FTCD: variants seen among roughly 807,000 people sequenced by gnomAD.
FTCD encodes formimidoyltransferase cyclodeaminase.
FTCD carries 76 observed loss-of-function variants against 62.9 expected under a neutral mutation model. That is an observed-to-expected ratio of 1.21 (90% confidence interval 1.00 to 1.46). FTCD has a LOEUF of 1.46. Ranked by LOEUF, FTCD falls within the 40% of genes most tolerant of loss-of-function variation. The pLI is 0.00. For synonymous variants in FTCD, 397 were observed against 336.9 expected (o/e 1.18, Z -1.95); for missense variants, 845 against 751.3 (o/e 1.12, Z -1.46).
chr21:46,138,473 C>T (rs776601046), intron 12 of FTCD, 35 bp downstream of exon 12: 30 of 1,558,908 alleles, frequency 1.9e-5, no homozygotes, highest in South Asian at 8.1e-5. Context: ...TCCTGCTTTG[C>T]GGCAGGAGGC....
intron 10 of FTCD, among the ~76,000 whole-genome samples, chr21:46,140,762 C>A (rs2078984243): frequency 6.7e-6 from 1 of 149,298 alleles, no homozygotes; most frequent in African/African-American, 2.5e-5. Flanking sequence ...ACCCAGCACT[C>A]CCCGTCCACC....
In FTCD at chr21:46,145,878, C is replaced by A; in HGVS notation, c.1038G>T (p.Glu346Asp). The change falls in exon 9 of 14, where the codon GAG (glutamate) becomes GAT (aspartate). Residue 346 changes from glutamate (E) to aspartate (D), a missense_variant. Physicochemically the swap from Glu to Asp is conservative, Grantham distance 45. Coordinates refer to ENST00000397746, the MANE Select transcript of FTCD (RefSeq NM_206965.2). ...GSKSLRAFVGEVGARSAAPGG... is the reference protein window; with the variant it reads ...GSKSLRAFVGDVGARSAAPGG... ...CGGGGGCCGCAGAGCGGGCACCCACCTCCCCCACGAAGGCGCGCAGGGACT... is the reference window on the plus strand; with the variant it reads ...CGGGGGCCGCAGAGCGGGCACCCACATCCCCCACGAAGGCGCGCAGGGACT... The A allele has an allele frequency of 6.8e-7, 1 of 1,479,360 alleles. No individual in the cohort carries two copies. The highest frequency in any genetic ancestry group is 2.3e-5 in the Admixed American group (1 of 44,374). 91.6% of individuals were successfully genotyped at this position (1,479,360 alleles called of 1,614,324 possible).
Position 46,154,185 on chromosome 21 carries a change from C to G in FTCD, c.202G>C (p.Val68Leu). Residue 68 changes from valine to leucine, a missense_variant, in exon 2 of 14, where the codon GTA (valine) becomes CTA (leucine). Physicochemically the swap from Val to Leu is conservative, Grantham distance 32. Transcript: ENST00000397746. ...VVEGALNAAR[V>L]ASRLIDMSRH... ...CTCATGTCGATAAGTCGGGAAGCTA[C>G]CCGGGCAGCGTTGAGGGCCCCCTCC... The G allele has an allele frequency of 6.2e-7, 1 of 1,612,862 alleles. No individual in the cohort carries two copies. Among genetic ancestry groups the G allele is most frequent in the South Asian group, 1.1e-5 (1 of 91,088 alleles).
At chr21:46,145,195 T>TC (rs2079111361) in intron 10 of FTCD, among the ~76,000 whole-genome samples, 2 of 152,182 alleles carry the variant, frequency 1.3e-5, no homozygotes, top group South Asian at 4.1e-4. Context: ...GAATGTGGGG[T>TC]CACCCTGGCC....
chr21:46,144,977 A>G (rs2079107375), intron 10 of FTCD, among the ~76,000 whole-genome samples: 1 of 151,780 alleles, frequency 6.6e-6, no homozygotes, highest in African/African-American at 2.4e-5. Flanking sequence ...TTTCTGTCTT[A>G]TGCTGTGGCT....
intron 12 of FTCD, among the ~76,000 whole-genome samples, 159 bp from the exon 13 acceptor site, chr21:46,137,493 C>T (rs2078897454): frequency 6.6e-6 from 1 of 152,322 alleles, no homozygotes; most frequent in South Asian, 2.1e-4. Context: ...GGGCTAAGCC[C>T]CACCACTGAG....
intron 10 of FTCD, chr21:46,139,145 C>T (rs1433935246): frequency 1.8e-5 from 11 of 598,188 alleles, no homozygotes; most frequent in Admixed American, 2.8e-5. Flanking sequence ...GTCAGAGACC[C>T]GGGGATGTGA....
intron 10 of FTCD, chr21:46,142,576 T>C (rs181068428): frequency 5.9e-5 from 9 of 152,382 alleles, no homozygotes; most frequent in Admixed American, 5.9e-4. Flanking sequence ...GGAGTGAAGC[T>C]ACACACCTTG....
chr21:46,155,369 G>T (rs1048997860), intron 1 of FTCD, 101 bp downstream of exon 1: 3 of 1,001,568 alleles, frequency 3.0e-6, no homozygotes, highest in African/African-American at 3.2e-5. Context: ...CTGGGAAGAC[G>T]ACCCGGGACA....
At chr21:46,149,113 GT>G (rs1346425165) in intron 7 of FTCD, among the ~76,000 whole-genome samples, 2 of 152,158 alleles carry the variant, frequency 1.3e-5, no homozygotes, top group African/African-American at 4.8e-5. Context: ...GAAAATATGG[GT>G]GGGAGGCAGG....
At position 46,136,979 on chromosome 21, in the gene FTCD, C is replaced by T. The variant is rs754908279; in HGVS notation, c.*8G>A. On this transcript the variant is annotated 3_prime_UTR_variant, in exon 14 of 14. Coordinates refer to ENST00000397746, the MANE Select transcript of FTCD (RefSeq NM_206965.2). ...GGGCCACAGAGCCCGGAGAGGCCTC[C>T]CGCACCGTCACTCCTGCCGGGTCTC... The T allele has an allele frequency of 1.2e-6, 2 of 1,613,032 alleles. No individual in the cohort carries two copies. The highest frequency in any genetic ancestry group is 1.7e-6 in the Non-Finnish European group (2 of 1,180,008).
In FTCD at chr21:46,150,206, C is replaced by T; in HGVS notation, c.819G>A (p.Val273=). 6.2e-7 allele frequency: 1 copy of T among 1,609,228 alleles called. No individual in the cohort carries two copies. Among genetic ancestry groups the T allele is most frequent in the East Asian group, 2.2e-5 (1 of 44,750 alleles). Residue 273 remains valine, a synonymous_variant, in exon 7 of 14, where the codon GTG becomes GTA. Coordinates refer to ENST00000397746, the MANE Select transcript of FTCD (RefSeq NM_206965.2). ...PVVGSQLVGL[V]PLKALLDAAA... ...CCGCATCCAGCAGAGCCTTCAGGGGCACCAGGCCCACCAGCTGTGAGCCCA... is the reference window on the plus strand; with the variant it reads ...CCGCATCCAGCAGAGCCTTCAGGGGTACCAGGCCCACCAGCTGTGAGCCCA...
chr21:46,155,137 A>C (rs914413553), intron 1 of FTCD, among the ~76,000 whole-genome samples: 1 of 152,200 alleles, frequency 6.6e-6, no homozygotes, highest in African/African-American at 2.4e-5. Flanking sequence ...CCTTTCAGTC[A>C]GTGGCAGGAG....
At chr21:46,152,121 T>C in intron 3 of FTCD, 141 bp from the exon 4 acceptor site, 1 of 627,364 alleles carries the variant, frequency 1.6e-6, no homozygotes, top group Non-Finnish European at 2.8e-6. Flanking sequence ...GTGCCCGTTC[T>C]CCGCCTTGGA....
chr21:46,138,757 A>G (rs1184845893), intron 11 of FTCD, 111 bp from the exon 12 acceptor site: 11 of 1,436,322 alleles, frequency 7.7e-6, no homozygotes, highest in Middle Eastern at 1.8e-4. Context: ...ATGGGAAGTC[A>G]TTCCCAAACA....
Position 46,150,402 on chromosome 21 carries a change from A to T in FTCD, c.760T>A (p.Cys254Ser), listed in dbSNP as rs1000375560. Residue 254 changes from cysteine to serine, a missense_variant, in exon 6 of 14, where the codon TGC (cysteine) becomes AGC (serine). Cys to Ser is a moderately radical substitution (Grantham distance 112, BLOSUM62 -1). Transcript: ENST00000397746. ...CCCGGGCTCACCTGTGCTTCTCGGC[A>T]GGTCTCCTCGTAGACCGTGTGCAGT... is the stretch of plus-strand genomic sequence containing the variant. ...TALHTVYEET[C>S]REAQELSLPV... The T allele has an allele frequency of 6.8e-6, 11 of 1,612,890 alleles. No homozygotes were observed. Among genetic ancestry groups the T allele is most frequent in the Non-Finnish European group, 8.5e-6 (10 of 1,179,922 alleles).
In FTCD at chr21:46,150,531, A is replaced by G; in HGVS notation, c.637-6T>C. The G allele has an allele frequency of 6.2e-7, 1 of 1,613,102 alleles. No homozygotes were observed. Among genetic ancestry groups the G allele is most frequent in the Non-Finnish European group, 8.5e-7 (1 of 1,179,956 alleles). On this transcript the variant is annotated splice_region_variant and splice_polypyrimidine_tract_variant and intron_variant, in intron 5 of 13. Coordinates refer to ENST00000397746, the MANE Select transcript of FTCD (RefSeq NM_206965.2). ...ACTTTCTTCAGACGTCCTGGCTGCA[A>G]AGGAAGAGCGTTCCCCAGCCTGGAC...
At chr21:46,145,334 G>T in intron 10 of FTCD, 83 bp downstream of exon 10, 1 of 1,192,840 alleles carries the variant, frequency 8.4e-7, no homozygotes, top group Non-Finnish European at 1.2e-6. Context: ...CCCAGCCGGA[G>T]GCTGACCCGC....
Position 46,154,276 on chromosome 21 carries a change from A to G in FTCD, c.111T>C (p.Asp37=), listed in dbSNP as rs1405967644. The change falls in exon 2 of 14, where the codon GAT becomes GAC. Residue 37 remains aspartate (D), a synonymous_variant. Transcript: ENST00000397746. The stretch of plus-strand genomic sequence containing the variant: ...GGTTGGTGGAAGGGCCTGCGTCCAC[A>G]TCCAGCAGCACGCAGCCCGGGGTCT... ...ITQTPGCVLL[D]VDAGPSTNRT... The G allele has an allele frequency of 6.2e-7, 1 of 1,612,356 alleles. No individual in the cohort carries two copies. Among genetic ancestry groups the G allele is most frequent in the Non-Finnish European group, 8.5e-7 (1 of 1,179,900 alleles).
Sources: allele counts gnomAD v4.1 joint callset (sites outside exome capture counted in the v4.1 genomes callset), GRCh38; gene constraint gnomAD v4.1.1; transcripts MANE v1.5; gene names NCBI Gene and HGNC (gene_info 2026-07-23, HGNC 2026-07-21).